The following IRAK3 variants were observed in gnomAD, a reference collection of about 807,000 sequenced individuals.
IRAK3 encodes the protein interleukin 1 receptor associated kinase 3.
Under a neutral mutation model 56.6 loss-of-function variants are expected in IRAK3, and 57 were observed. That is an observed-to-expected ratio of 1.01 (90% CI 0.81 to 1.26). The LOEUF (loss-of-function observed/expected upper bound fraction) is 1.26, where lower values mean the gene tolerates loss of function less well. IRAK3 is among the 50% of genes most tolerant of loss of function. IRAK3 has a pLI of 0.00. For missense variants in IRAK3, 703 were observed against 719.0 expected, an observed-to-expected ratio of 0.98 and a Z score of 0.25; for synonymous variants, 258 against 255.7, an observed-to-expected ratio of 1.01 and a Z score of -0.09.
chr12:66,212,526 G>A (rs1391583684), intron 5 of IRAK3, among the ~76,000 whole-genome samples: 1 of 152,174 alleles, frequency 6.6e-6, no homozygotes, highest in Non-Finnish European at 1.5e-5. Flanking sequence ...TATGGACTGG[G>A]TGCTGAGCAT....
At chr12:66,221,601 A>G (rs1403532255) in intron 6 of IRAK3, among the ~76,000 whole-genome samples, 3 of 152,156 alleles carry the variant, frequency 2.0e-5, no homozygotes, top group East Asian at 1.9e-4. Context: ...ATGCTTTTGC[A>G]TTTGTTGAGA....
intron 1 of IRAK3, among the ~76,000 whole-genome samples, chr12:66,194,792 G>A (rs560247529): frequency 6.2e-5 from 9 of 145,932 alleles, no homozygotes; most frequent in East Asian, 4.0e-4. Flanking sequence ...TCACACTACC[G>A]TACTCCAGAC....
In IRAK3 at chr12:66,244,466, G is replaced by A. The variant is rs2053005608; in HGVS notation, c.888-20G>A. 3 of 1,597,286 alleles carry A rather than the reference G, an allele frequency of 1.9e-6. No individual in the cohort carries two copies. Among genetic ancestry groups the A allele is most frequent in the Non-Finnish European group, 2.6e-6 (3 of 1,164,856 alleles). ...GCCTTTATGATATTTTGTCTTGTTTGTCCCTGATCACAATTTTAGTGCAAA... is the reference window on the plus strand; with the variant it reads ...GCCTTTATGATATTTTGTCTTGTTTATCCCTGATCACAATTTTAGTGCAAA... On this transcript the variant is annotated intron_variant, in intron 8 of 11. Coordinates refer to ENST00000261233, the MANE Select transcript of IRAK3 (RefSeq NM_007199.3).
chr12:66,246,772 A>G (rs1565813408), intron 11 of IRAK3, among the ~76,000 whole-genome samples: 1 of 152,078 alleles, frequency 6.6e-6, no homozygotes, highest in Non-Finnish European at 1.5e-5. Flanking sequence ...CTCTATATGT[A>G]TTTTTTTAAT....
Position 66,232,988 on chromosome 12 carries a change from ATATTATTAT to A in IRAK3, c.887+4638_887+4646del, listed in dbSNP as rs147774283. On this transcript the variant is annotated intron_variant, in intron 8 of 11. Coordinates refer to ENST00000261233, the MANE Select transcript of IRAK3 (RefSeq NM_007199.3). ...CAAAAGACTTTATCCTAACCCTTTG[ATATTATTAT>A]TATTATTATTATTATTATTTTTAAA... 5.1e-4 allele frequency among the ~76,000 whole-genome samples: 77 copies of A among 149,558 alleles called. 1 individual carries two copies. Among genetic ancestry groups the A allele is most frequent in the Middle Eastern group, 6.8e-3 (2 of 292 alleles).
At chr12:66,202,584 C>T (rs567338659) in intron 1 of IRAK3, among the ~76,000 whole-genome samples, 1 of 151,922 alleles carries the variant, frequency 6.6e-6, no homozygotes, top group South Asian at 2.1e-4. Flanking sequence ...TTGAGACCAG[C>T]TGGGGCAGTG....
chr12:66,198,617 G>A (rs2052477575), intron 1 of IRAK3, among the ~76,000 whole-genome samples: 1 of 152,022 alleles, frequency 6.6e-6, no homozygotes, highest in Admixed American at 6.6e-5. Context: ...TCAAAGGGTA[G>A]CAGGAACGAT....
chr12:66,215,786 G>GCACGTGCACGTGCGCGCGCA (rs368883846), intron 5 of IRAK3, among the ~76,000 whole-genome samples: 1 of 122,834 alleles, frequency 8.1e-6, no homozygotes, highest in Non-Finnish European at 1.7e-5. Context: ...AACCCAACAT[G>GCACGTGCACGTGCGCGCGCA]CACACACACA....
intron 1 of IRAK3, among the ~76,000 whole-genome samples, chr12:66,201,495 A>G (rs1368983969): frequency 6.6e-6 from 1 of 152,224 alleles, no homozygotes; most frequent in African/African-American, 2.4e-5. Context: ...CACATTGTTA[A>G]TTTTAGTGCT....
At chr12:66,235,987 A>G (rs2052903554) in intron 8 of IRAK3, among the ~76,000 whole-genome samples, 1 of 152,234 alleles carries the variant, frequency 6.6e-6, no homozygotes. Context: ...AAAAGTTCCA[A>G]AAGACAGTCT....
At chr12:66,201,843 A>G (rs1444334699) in intron 1 of IRAK3, among the ~76,000 whole-genome samples, 1 of 152,186 alleles carries the variant, frequency 6.6e-6, no homozygotes, top group African/African-American at 2.4e-5. Context: ...CATTTCTCAA[A>G]CCTTCAACAG....
At chr12:66,212,620 T>C (rs2052623702) in intron 5 of IRAK3, among the ~76,000 whole-genome samples, 1 of 152,072 alleles carries the variant, frequency 6.6e-6, no homozygotes, top group Admixed American at 6.6e-5. Context: ...AAGATTAAAC[T>C]GTTGTAAAAG....
At chr12:66,222,315 G>T (rs538876538) in intron 6 of IRAK3, among the ~76,000 whole-genome samples, 5 of 151,820 alleles carry the variant, frequency 3.3e-5, no homozygotes, top group Non-Finnish European at 7.4e-5. Flanking sequence ...ACTTTTCTTC[G>T]TTGGGAGGTT....
intron 1 of IRAK3, among the ~76,000 whole-genome samples, chr12:66,202,230 G>A (rs529271577): frequency 2.6e-5 from 4 of 152,206 alleles, no homozygotes; most frequent in South Asian, 2.1e-4. Flanking sequence ...AGAGATCCAC[G>A]GATGAGTGTA....
chr12:66,229,884 C>G (rs1258766219), intron 8 of IRAK3, among the ~76,000 whole-genome samples: 2 of 152,168 alleles, frequency 1.3e-5, no homozygotes, highest in African/African-American at 4.8e-5. Flanking sequence ...GTCCTTTGGT[C>G]TAAACTTAAA....
At chr12:66,220,505 T>C (rs1406822162) in intron 6 of IRAK3, among the ~76,000 whole-genome samples, 8 of 38,082 alleles carry the variant, frequency 2.1e-4, no homozygotes, top group Non-Finnish European at 1.0e-4. Flanking sequence ...TCTGGCTTTG[T>C]TCTTCTTTCT....
At chr12:66,192,957 T>TTTTTC (rs547986612) in intron 1 of IRAK3, among the ~76,000 whole-genome samples, 86 of 152,264 alleles carry the variant, frequency 5.6e-4, no homozygotes, top group African/African-American at 1.9e-3. Flanking sequence ...CTATGTTCTT[T>TTTTTC]TTTTCTTTTC....
chr12:66,216,361 G>A (rs1387707173), intron 5 of IRAK3, among the ~76,000 whole-genome samples: 1 of 152,156 alleles, frequency 6.6e-6, no homozygotes, highest in Non-Finnish European at 1.5e-5. Context: ...TGACTTCCTA[G>A]TTCAACTTGG....
intron 6 of IRAK3, among the ~76,000 whole-genome samples, chr12:66,225,331 C>T (rs2052774333): frequency 1.3e-5 from 2 of 150,926 alleles, no homozygotes; most frequent in Non-Finnish European, 3.0e-5. Flanking sequence ...TCACAGAAGA[C>T]TTTGATATAT....
Sources: gnomAD v4.1 joint callset for allele counts (sites outside exome capture counted in the v4.1 genomes callset) on GRCh38, gnomAD v4.1.1 for gene constraint, MANE v1.5 for transcripts, NCBI Gene and HGNC (gene_info 2026-07-23, HGNC 2026-07-21) for gene names.